The following PPP1R21 variants were observed in gnomAD, a reference collection of about 807,000 sequenced individuals.
PPP1R21 encodes the protein KLRAQ motif containing 1.
A neutral mutation model predicts 112.8 loss-of-function variants in PPP1R21; 85 were observed. The observed-to-expected ratio is 0.75, with a 90% CI of 0.63 to 0.90. The LOEUF is 0.90. Ranked by LOEUF, PPP1R21 falls within the 40% of genes least tolerant of loss-of-function variation. PPP1R21 has a pLI of 0.00. For missense variants in PPP1R21, 1,199 were observed against 901.5 expected (o/e 1.33, Z -4.23); for synonymous variants, 381 against 322.3 (o/e 1.18, Z -1.95).
chr2:48,447,544 C>A, intron 1 of PPP1R21, among the ~76,000 whole-genome samples: 1 of 152,128 alleles, frequency 6.6e-6, no homozygotes, highest in East Asian at 1.9e-4. Context: ...TTCTGGACTC[C>A]TAGAGGCAGT....
intron 13 of PPP1R21, 137 bp from the exon 14 acceptor site, chr2:48,486,494 T>A (rs558215623): frequency 6.2e-6 from 4 of 640,636 alleles, no homozygotes; most frequent in Non-Finnish European, 1.1e-5. Flanking sequence ...CTCAGTGCAA[T>A]CCTGACACTT....
At chr2:48,455,552 A>G (rs371751577) in intron 3 of PPP1R21, among the ~76,000 whole-genome samples, 2 of 152,208 alleles carry the variant, frequency 1.3e-5, no homozygotes, top group African/African-American at 2.4e-5. Context: ...ATGATAGTCA[A>G]TTTTAAAGAA....
intron 7 of PPP1R21, among the ~76,000 whole-genome samples, chr2:48,462,267 A>C (rs1668008664): frequency 6.6e-6 from 1 of 152,220 alleles, no homozygotes. Context: ...CTGAGTGCCT[A>C]GACAGGTCAG....
At chr2:48,443,941 C>T (rs1667143603) in intron 1 of PPP1R21, among the ~76,000 whole-genome samples, 1 of 152,122 alleles carries the variant, frequency 6.6e-6, no homozygotes, top group Non-Finnish European at 1.5e-5. Flanking sequence ...ATCCCTAAGC[C>T]AAGGACATTG....
intron 21 of PPP1R21, 48 bp from the exon 22 acceptor site, chr2:48,514,667 T>TA (rs1327827270): frequency 8.0e-7 from 1 of 1,251,270 alleles, no homozygotes; most frequent in African/African-American, 1.5e-5. Flanking sequence ...ATGTGAGTTA[T>TA]TTTTTTTTAT....
At chr2:48,469,469 C>CATATATATAT (rs146311511) in intron 9 of PPP1R21, among the ~76,000 whole-genome samples, 2 of 58,514 alleles carry the variant, frequency 3.4e-5, no homozygotes, top group South Asian at 5.5e-4. Flanking sequence ...ATATATAGAG[C>CATATATATAT]ATATATATAT....
At chr2:48,487,357 A>G (rs1003160357) in intron 14 of PPP1R21, among the ~76,000 whole-genome samples, 1 of 152,190 alleles carries the variant, frequency 6.6e-6, no homozygotes. Context: ...AGTACTTTGA[A>G]GTGACTTCAA....
intron 1 of PPP1R21, 48 bp from the exon 2 acceptor site, chr2:48,450,960 A>T: frequency 6.7e-7 from 1 of 1,501,864 alleles, no homozygotes; most frequent in Non-Finnish European, 9.3e-7. Flanking sequence ...CCTTGATATA[A>T]CCAATTGCTT....
intron 17 of PPP1R21, among the ~76,000 whole-genome samples, chr2:48,502,936 TC>T (rs1670192402): frequency 6.6e-6 from 1 of 152,094 alleles, no homozygotes; most frequent in Non-Finnish European, 1.5e-5. Context: ...CACCTCGGCC[TC>T]CCAAAGTGCT....
At chr2:48,490,506 A>C (rs936763999) in intron 14 of PPP1R21, among the ~76,000 whole-genome samples, 3 of 152,198 alleles carry the variant, frequency 2.0e-5, no homozygotes, top group African/African-American at 7.2e-5. Context: ...ATCTGTAAAT[A>C]ACAGTCCACT....
chr2:48,474,848 C>G, intron 12 of PPP1R21, 29 bp downstream of exon 12: 1 of 1,599,726 alleles, frequency 6.3e-7, no homozygotes, highest in Admixed American at 1.7e-5. Flanking sequence ...TAGGGGTCAA[C>G]TTCAAGGACT....
chr2:48,505,692 T>G, intron 18 of PPP1R21, 96 bp downstream of exon 18: 1 of 1,078,762 alleles, frequency 9.3e-7, no homozygotes, highest in South Asian at 1.4e-5. Flanking sequence ...CTAATTGTTG[T>G]TGTTGTTTTT....
intron 9 of PPP1R21, among the ~76,000 whole-genome samples, chr2:48,468,659 AC>A (rs1668313459): frequency 1.3e-5 from 2 of 152,170 alleles, no homozygotes; most frequent in South Asian, 2.1e-4. Flanking sequence ...CCAAAAAAAA[AC>A]AAAAATTAGC....
chr2:48,470,885 A>G (rs757685084), intron 9 of PPP1R21, among the ~76,000 whole-genome samples: 2 of 152,144 alleles, frequency 1.3e-5, no homozygotes, highest in Non-Finnish European at 2.9e-5. Flanking sequence ...ATCTGGGACT[A>G]TTAGAGGGGA....
chr2:48,451,565 G>A (rs751325362), intron 2 of PPP1R21, among the ~76,000 whole-genome samples: 1 of 152,202 alleles, frequency 6.6e-6, no homozygotes, highest in Non-Finnish European at 1.5e-5. Context: ...CTCTTTGAGT[G>A]ATACATTTTA....
At chr2:48,498,012 A>G (rs970536832) in intron 16 of PPP1R21, among the ~76,000 whole-genome samples, 1 of 152,140 alleles carries the variant, frequency 6.6e-6, no homozygotes, top group Non-Finnish European at 1.5e-5. Context: ...TCTGCTTTTT[A>G]TATTTTAATT....
In PPP1R21 at chr2:48,440,963, G is replaced by T; in HGVS notation, c.10G>T (p.Ala4Ser). 1 of 1,611,626 alleles carries T rather than the reference G, an allele frequency of 6.2e-7. No homozygotes were observed. Among genetic ancestry groups the T allele is most frequent in the Non-Finnish European group, 8.5e-7 (1 of 1,178,562 alleles). The change falls in exon 1 of 22, where the codon GCT (alanine) becomes TCT (serine). Residue 4 changes from alanine (A) to serine (S), a missense_variant. Ala to Ser is a moderately conservative substitution (Grantham distance 99). Coordinates refer to ENST00000294952, the MANE Select transcript of PPP1R21 (RefSeq NM_001135629.3). Reference protein sequence around the residue: MASAELQGKYQKLA... With the variant: MASSELQGKYQKLA... ...CGGGGCGGGGGAGGCCATGGCCTCG[G>T]CTGAGTTGCAGGGGAAGTACCAGAA...
intron 11 of PPP1R21, among the ~76,000 whole-genome samples, chr2:48,473,431 T>C (rs992089721): frequency 5.3e-5 from 8 of 152,354 alleles, no homozygotes; most frequent in Non-Finnish European, 1.0e-4. Context: ...ATGAATTTTA[T>C]CTTGCTTCAT....
intron 2 of PPP1R21, 99 bp downstream of exon 2, chr2:48,451,175 C>T (rs1667453069): frequency 8.0e-6 from 7 of 874,290 alleles, no homozygotes; most frequent in Non-Finnish European, 1.4e-5. Flanking sequence ...CCAACTCTGA[C>T]ACTGATTCAC....
Sources: allele counts gnomAD v4.1 joint callset (sites outside exome capture counted in the v4.1 genomes callset), GRCh38; gene constraint gnomAD v4.1.1; transcripts MANE v1.5; gene names NCBI Gene and HGNC (gene_info 2026-07-23, HGNC 2026-07-21).